FRMPD4: variants seen among roughly 807,000 people sequenced by gnomAD.
The protein encoded by FRMPD4 is FERM and PDZ domain-containing protein 4.
A neutral mutation model predicts 94.1 loss-of-function variants in FRMPD4; 22 were observed. The ratio of observed to expected loss-of-function variants is 0.23; its 90% CI spans 0.17 to 0.33. FRMPD4 has a LOEUF of 0.33. Among genes scored for constraint, FRMPD4 ranks in the 10% least tolerant of loss-of-function variants. The probability of loss-of-function intolerance (pLI) is 1.00; values close to 1 mark genes in which losing one functional copy is unlikely to be tolerated. For missense variants in FRMPD4, 1,111 were observed against 1,339.9 expected, an observed-to-expected ratio of 0.83 and a Z score of 2.67; for synonymous variants, 631 against 548.6, an observed-to-expected ratio of 1.15 and a Z score of -2.10.
chrX:12,605,218 C>T (rs1370061826), intron 2 of FRMPD4, among the ~76,000 whole-genome samples: 1 of 111,990 alleles, frequency 8.9e-6, no homozygotes, highest in Non-Finnish European at 1.9e-5. Flanking sequence ...GAAAGTGTCA[C>T]CTACTTGAAG....
intron 4 of FRMPD4, among the ~76,000 whole-genome samples, chrX:12,665,202 G>A (rs1302493652): frequency 8.9e-6 from 1 of 111,778 alleles, no homozygotes; most frequent in African/African-American, 3.3e-5. Flanking sequence ...CAGCACTTTG[G>A]GAGGCCGTAG....
chrX:12,721,081 T>C lies in FRMPD4; in HGVS notation c.4512T>C (p.Tyr1504=). Residue 1504 remains tyrosine (Y), a synonymous_variant, in exon 17 of 17, where the codon TAT becomes TAC. Coordinates refer to ENST00000675598, the MANE Select transcript of FRMPD4 (RefSeq NM_001368397.1). ...SNWRCRGPFS[Y]CFLNRGQDED... is the part of the protein sequence containing the mutation. ...GGAGATGCCGGGGACCCTTCAGCTA[T>C]TGCTTCCTGAACCGAGGGCAGGATG... is the stretch of plus-strand genomic sequence containing the variant. 1.3e-6 allele frequency: 1 copy of C among 756,692 alleles called. No homozygotes were observed. Among genetic ancestry groups the C allele is most frequent in the Non-Finnish European group, 1.6e-6 (1 of 639,613 alleles). The allele number at this position is 756,692 out of a possible 1,213,427, so 62.4% of individuals were successfully genotyped here.
intron 3 of FRMPD4, among the ~76,000 whole-genome samples, chrX:11,892,645 G>A (rs990040415): frequency 5.3e-5 from 6 of 112,286 alleles, no homozygotes; most frequent in Non-Finnish European, 1.1e-4. Context: ...GAGGGGAATC[G>A]TTCACAGTTC....
chrX:12,422,967 T>C (rs2056902288), intron 1 of FRMPD4, among the ~76,000 whole-genome samples: 1 of 111,370 alleles, frequency 9.0e-6, no homozygotes, highest in Non-Finnish European at 1.9e-5. Flanking sequence ...GTCATGTTTG[T>C]TCAAACTGAG....
At chrX:12,612,016 TAC>T (rs1467382425) in intron 3 of FRMPD4, among the ~76,000 whole-genome samples, 1 of 111,468 alleles carries the variant, frequency 9.0e-6, no homozygotes, top group Non-Finnish European at 1.9e-5. Context: ...ATTCCGTGCA[TAC>T]ACAAACACAC....
intron 1 of FRMPD4, among the ~76,000 whole-genome samples, chrX:11,830,092 G>A (rs1371737498): frequency 9.0e-6 from 1 of 111,414 alleles, no homozygotes; most frequent in African/African-American, 3.3e-5. Context: ...ATAGAAGCAT[G>A]TTTTAGAACG....
chrX:12,418,957 C>T (rs1051132532), intron 1 of FRMPD4, among the ~76,000 whole-genome samples: 3 of 111,910 alleles, frequency 2.7e-5, no homozygotes, highest in Non-Finnish European at 5.6e-5. Flanking sequence ...TCTAACACCC[C>T]AGATACCTTT....
At chrX:12,593,704 A>T (rs1465658852) in intron 2 of FRMPD4, among the ~76,000 whole-genome samples, 2 of 111,354 alleles carry the variant, frequency 1.8e-5, no homozygotes, top group African/African-American at 6.5e-5. Flanking sequence ...TGAATATGAA[A>T]TTGTTTAATT....
At chrX:12,513,245 T>G (rs2058062750) in intron 2 of FRMPD4, among the ~76,000 whole-genome samples, 1 of 112,204 alleles carries the variant, frequency 8.9e-6, no homozygotes, top group Admixed American at 9.4e-5. Context: ...TCAGTTTTTG[T>G]TTCTGTTGCA....
intron 1 of FRMPD4, among the ~76,000 whole-genome samples, chrX:12,486,466 G>A (rs745809004): frequency 8.0e-5 from 9 of 112,561 alleles, no homozygotes; most frequent in Admixed American, 3.8e-4. Flanking sequence ...ACAGCTAGCT[G>A]CTAAAATCTC....
chrX:11,829,064 C>A (rs2053460409), intron 1 of FRMPD4, among the ~76,000 whole-genome samples: 1 of 112,144 alleles, frequency 8.9e-6, no homozygotes, highest in Non-Finnish European at 1.9e-5. Flanking sequence ...GGAGGGTCAG[C>A]CTTTTTGTTC....
intron 3 of FRMPD4, among the ~76,000 whole-genome samples, chrX:11,924,863 A>G (rs1010575947): frequency 1.8e-5 from 2 of 111,734 alleles, no homozygotes; most frequent in African/African-American, 6.5e-5. Flanking sequence ...CTGCAAAATA[A>G]CCAGCTAACA....
chrX:12,312,545 G>A (rs186961610), intron 1 of FRMPD4, among the ~76,000 whole-genome samples: 221 of 110,740 alleles, frequency 2.0e-3, no homozygotes, highest in Non-Finnish European at 3.6e-3. Flanking sequence ...GAGCCACCGC[G>A]CCTGGCCCTC....
intron 4 of FRMPD4, among the ~76,000 whole-genome samples, chrX:12,651,623 T>G (rs943325294): frequency 9.0e-6 from 1 of 111,082 alleles, no homozygotes; most frequent in Non-Finnish European, 1.9e-5. Flanking sequence ...CACCTCCCAT[T>G]TGTGATTGTG....
chrX:12,307,418 A>T (rs1412479129), intron 1 of FRMPD4, among the ~76,000 whole-genome samples: 1 of 112,626 alleles, frequency 8.9e-6, no homozygotes, highest in Non-Finnish European at 1.9e-5. Flanking sequence ...TAGCACAATG[A>T]AAAAGAATGC....
chrX:12,482,646 T>C lies in FRMPD4; in HGVS notation c.42-16034T>C, dbSNP rs192900862. Reference sequence around the variant, plus strand: ...AAAATTATAACATGAACCATGTATGTTATTTTAAATTTTCTGGTAGCCATA... The same window carrying C: ...AAAATTATAACATGAACCATGTATGCTATTTTAAATTTTCTGGTAGCCATA... On this transcript the variant is annotated intron_variant, in intron 1 of 16. Transcript: ENST00000675598. 8.9e-5 allele frequency among the ~76,000 whole-genome samples: 10 copies of C among 112,557 alleles called. No individual in the cohort carries two copies. In the East Asian group the frequency reaches 2.8e-3, roughly 31 times the overall value.
At chrX:12,610,015 T>C in intron 3 of FRMPD4, 134 bp downstream of exon 3, 1 of 556,565 alleles carries the variant, frequency 1.8e-6, no homozygotes, top group Non-Finnish European at 2.8e-6. Flanking sequence ...ATAGAGTCAC[T>C]TCACCAGAGG....
At chrX:11,942,873 C>T (rs1356640733) in intron 3 of FRMPD4, among the ~76,000 whole-genome samples, 3 of 111,925 alleles carry the variant, frequency 2.7e-5, no homozygotes, top group African/African-American at 9.7e-5. Flanking sequence ...CCCTCTCCTC[C>T]TAACCCCTGG....
At chrX:12,262,184 T>C (rs2054199374) in intron 1 of FRMPD4, among the ~76,000 whole-genome samples, 1 of 112,215 alleles carries the variant, frequency 8.9e-6, no homozygotes. Context: ...CTGTGGCTGC[T>C]CTTGGGCTAC....
Sources: gnomAD v4.1 joint callset for allele counts (sites outside exome capture counted in the v4.1 genomes callset) on GRCh38, gnomAD v4.1.1 for gene constraint, MANE v1.5 for transcripts, NCBI Gene and HGNC (gene_info 2026-07-23, HGNC 2026-07-21) for gene names.